COL5A1: variants seen among roughly 807,000 people sequenced by gnomAD.
COL5A1 encodes collagen alpha-1(V) chain.
A neutral mutation model predicts 263.7 loss-of-function variants in COL5A1; 16 were observed. The observed-to-expected ratio is 0.06, with a 90% CI of 0.04 to 0.09. The LOEUF (loss-of-function observed/expected upper bound fraction) is 0.09, where lower values mean the gene tolerates loss of function less well. Among genes scored for constraint, COL5A1 ranks in the 10% least tolerant of loss-of-function variants. The probability of loss-of-function intolerance (pLI) is 1.00; values close to 1 mark genes in which losing one functional copy is unlikely to be tolerated. For missense variants in COL5A1, 2,036 were observed against 2,540.5 expected, an observed-to-expected ratio of 0.80 and a Z score of 4.27; for synonymous variants, 1,012 against 1,004.5, an observed-to-expected ratio of 1.01 and a Z score of -0.14.
chr9:134,781,331 C>T (rs1387899314), intron 28 of COL5A1, among the ~76,000 whole-genome samples: 1 of 152,258 alleles, frequency 6.6e-6, no homozygotes, highest in African/African-American at 2.4e-5. Context: ...ACAGCGGAAT[C>T]CTAAGTCCTC....
At position 134,752,419 on chromosome 9, in the gene COL5A1, CGGG is replaced by C. The variant is rs11386016; in HGVS notation, c.1663-160_1663-158del. ...TGGATGCTGAGAGCCCCATCGAAGTCGGGGGGGGGGGGCCCTTGGGGAGTCATC... is the reference window on the plus strand; with the variant it reads ...TGGATGCTGAGAGCCCCATCGAAGTCGGGGGGGGGCCCTTGGGGAGTCATC... On this transcript the variant is annotated intron_variant, in intron 13 of 65. Coordinates refer to ENST00000371817, the MANE Select transcript of COL5A1 (RefSeq NM_000093.5). Among the ~76,000 whole-genome samples, 10,021 of 140,378 alleles carry C rather than the reference CGGG, an allele frequency of 0.071. 529 individuals carry two copies. Among genetic ancestry groups the C allele is most frequent in the African/African-American group, 0.16 (5,828 of 37,002 alleles). The allele number at this position is 140,378 out of a possible 152,430, so 92.1% of individuals were successfully genotyped here.
chr9:134,822,285 T>C, intron 59 of COL5A1, 135 bp downstream of exon 59: 1 of 744,540 alleles, frequency 1.3e-6, no homozygotes, highest in Non-Finnish European at 2.3e-6. Context: ...CCAGGGTGGA[T>C]TTGCCCATTA....
intron 2 of COL5A1, among the ~76,000 whole-genome samples, chr9:134,698,729 C>T (rs761290135): frequency 1.3e-5 from 2 of 152,248 alleles, no homozygotes; most frequent in South Asian, 2.1e-4. Context: ...GCCTTGCAGG[C>T]GCTGCTGCCG....
intron 11 of COL5A1, among the ~76,000 whole-genome samples, chr9:134,744,357 TCATGCATACATGCCCACA>T (rs1835397792): frequency 7.4e-6 from 1 of 135,548 alleles, no homozygotes. Flanking sequence ...GTGCACGCAC[TCATGCATACATGCCCACA>T]CATGCATACA....
intron 3 of COL5A1, 120 bp from the exon 4 acceptor site, chr9:134,701,051 G>C: frequency 2.0e-6 from 2 of 1,018,548 alleles, no homozygotes; most frequent in Admixed American, 3.9e-5. Context: ...GATCTGCTCC[G>C]CCCCACCACG....
rs1838857778 is a variant in COL5A1 at position 134,818,580 on chromosome 9, T to C, written c.4231-76T>C. 1 of 1,110,918 alleles carries C rather than the reference T, an allele frequency of 9.0e-7. No homozygotes were observed. The allele number at this position is 1,110,918 out of a possible 1,614,324, so 68.8% of individuals were successfully genotyped here. ...GACTCCTCCAGAGGTGCCCAGGGTTTCCGAGCAGTGGTCCTGGGCCAGGGT... is the reference window on the plus strand; with the variant it reads ...GACTCCTCCAGAGGTGCCCAGGGTTCCCGAGCAGTGGTCCTGGGCCAGGGT... On this transcript the variant is annotated intron_variant, in intron 54 of 65. Coordinates refer to ENST00000371817, the MANE Select transcript of COL5A1 (RefSeq NM_000093.5). This position sits in a 1 kb window ranked among gnomAD's most constrained non-coding sequence, Gnocchi z 6.0.
intron 11 of COL5A1, among the ~76,000 whole-genome samples, chr9:134,740,121 G>A (rs1835249386): frequency 6.6e-6 from 1 of 152,210 alleles, no homozygotes; most frequent in Non-Finnish European, 1.5e-5. Flanking sequence ...TGGGGGCTTG[G>A]CTGGCCTCTG....
intron 62 of COL5A1, 57 bp from the exon 63 acceptor site, chr9:134,825,735 A>G (rs1839238224): frequency 8.4e-7 from 1 of 1,188,060 alleles, no homozygotes; most frequent in Non-Finnish European, 1.3e-6. Context: ...TTCCGGAACC[A>G]TCCAGGGAGC....
intron 38 of COL5A1, among the ~76,000 whole-genome samples, chr9:134,802,321 G>T (rs758989268): frequency 6.6e-6 from 1 of 152,174 alleles, no homozygotes; most frequent in Non-Finnish European, 1.5e-5. Context: ...CAAGGCAGCC[G>T]AGTCCTCCTG....
intron 37 of COL5A1, among the ~76,000 whole-genome samples, chr9:134,801,571 G>A (rs534211607): frequency 6.6e-6 from 1 of 152,260 alleles, no homozygotes; most frequent in Admixed American, 6.5e-5. Flanking sequence ...GGTGGATCAC[G>A]AGGTCAGGAG....
intron 4 of COL5A1, among the ~76,000 whole-genome samples, chr9:134,718,530 G>A (rs1834348440): frequency 6.6e-6 from 1 of 152,250 alleles, no homozygotes; most frequent in Admixed American, 6.5e-5. Flanking sequence ...CAGGGGCTCA[G>A]CCCGGGAAGC....
At chr9:134,802,441 G>A (rs1028254065) in intron 38 of COL5A1, among the ~76,000 whole-genome samples, 8 of 152,352 alleles carry the variant, frequency 5.3e-5, no homozygotes, top group South Asian at 2.1e-4. Context: ...GCTGCAGAAC[G>A]GGGAGGGGTC....
chr9:134,695,837 C>T (rs1360075222), intron 2 of COL5A1, among the ~76,000 whole-genome samples: 1 of 152,174 alleles, frequency 6.6e-6, no homozygotes, highest in Non-Finnish European at 1.5e-5. Context: ...CCAAGTTATC[C>T]CTGCAGGGGC....
intron 4 of COL5A1, among the ~76,000 whole-genome samples, chr9:134,726,408 G>A (rs1834651826): frequency 6.6e-6 from 1 of 152,058 alleles, no homozygotes; most frequent in Admixed American, 6.5e-5. Context: ...GCAGATAGAT[G>A]GCTGGGTGGA....
chr9:134,693,217 T>C (rs1833344321), intron 2 of COL5A1, among the ~76,000 whole-genome samples: 2 of 152,100 alleles, frequency 1.3e-5, no homozygotes, highest in Non-Finnish European at 2.9e-5. Flanking sequence ...TGTTTCCGGC[T>C]TTTAACCAGA....
At chr9:134,715,115 T>A (rs60625195) in intron 4 of COL5A1, among the ~76,000 whole-genome samples, 26,384 of 151,992 alleles carry the variant, frequency 0.17, 2,517 homozygotes, top group East Asian at 0.4. Flanking sequence ...TATTTATTGA[T>A]CATTATCTCT....
intron 11 of COL5A1, among the ~76,000 whole-genome samples, chr9:134,744,659 TCACA>T (rs541669361): frequency 1.7e-5 from 2 of 117,198 alleles, no homozygotes; most frequent in Non-Finnish European, 3.6e-5. Flanking sequence ...ACAGGTACGC[TCACA>T]CACATGCACA....
chr9:134,666,016 G>A (rs1262509722), intron 1 of COL5A1, among the ~76,000 whole-genome samples: 7 of 152,168 alleles, frequency 4.6e-5, no homozygotes, highest in Admixed American at 2.0e-4. Flanking sequence ...GAACCCGGGA[G>A]GCGGAGGTTG....
At chr9:134,712,065 T>C (rs1834068582) in intron 4 of COL5A1, among the ~76,000 whole-genome samples, 1 of 126,464 alleles carries the variant, frequency 7.9e-6, no homozygotes, top group African/African-American at 3.0e-5. Flanking sequence ...TCCTCCCTCC[T>C]TCCTGTACCC....
Sources: gnomAD v4.1 joint callset for allele counts (sites outside exome capture counted in the v4.1 genomes callset) on GRCh38, gnomAD v4.1.1 for gene constraint, Gnocchi (gnomAD v3.1) non-coding constraint, MANE v1.5 for transcripts, NCBI Gene and HGNC (gene_info 2026-07-23, HGNC 2026-07-21) for gene names.